The following PALM variants were observed in gnomAD, a reference collection of about 807,000 sequenced individuals.
The protein encoded by PALM is paralemmin.
Under a neutral mutation model 30.7 loss-of-function variants are expected in PALM, and 18 were observed. The observed-to-expected ratio is 0.59, with a 90% confidence interval of 0.41 to 0.87. PALM has a LOEUF of 0.87. Among genes scored for constraint, PALM ranks in the 40% least tolerant of loss-of-function variants. PALM has a pLI of 0.00. For missense variants in PALM, 529 were observed against 555.4 expected (o/e 0.95, Z 0.48); for synonymous variants, 286 against 242.8 (o/e 1.18, Z -1.66).
intron 4 of PALM, among the ~76,000 whole-genome samples, chr19:728,535 C>T (rs1001609460): frequency 2.0e-5 from 3 of 152,154 alleles, no homozygotes; most frequent in South Asian, 2.1e-4. Flanking sequence ...AGGCCGGGTG[C>T]GGTGGTTCAC....
At chr19:719,454 C>CT in intron 1 of PALM, 1 of 985,232 alleles carries the variant, frequency 1.0e-6, no homozygotes, top group Non-Finnish European at 1.2e-6. Context: ...GACGGGAGGC[C>CT]TGTGCGCGCC....
intron 1 of PALM, among the ~76,000 whole-genome samples, chr19:718,039 G>A (rs1365846827): frequency 6.6e-6 from 1 of 152,098 alleles, no homozygotes; most frequent in Admixed American, 6.6e-5. Context: ...AAAATTAGCC[G>A]GGCGTGGTGG....
chr19:709,817 T>C lies in PALM; in HGVS notation c.5+666T>C, dbSNP rs1362810704. Among the ~76,000 whole-genome samples the C allele has an allele frequency of 4.6e-5, 7 of 152,144 alleles. No homozygotes were observed. Among genetic ancestry groups the C allele is most frequent in the Admixed American group, 2.0e-4 (3 of 15,302 alleles). ...TGGGTGGGATACCCTCTCGGGGAAGTGTCTCGGAGCTGGGGCTCCACTGGT... is the reference window on the plus strand; with the variant it reads ...TGGGTGGGATACCCTCTCGGGGAAGCGTCTCGGAGCTGGGGCTCCACTGGT... On this transcript the variant is annotated intron_variant, in intron 1 of 8. Transcript: ENST00000338448. The surrounding 1 kb of genome is among the most constrained non-coding windows in gnomAD (Gnocchi z 4.3).
At chr19:726,957 G>GGGGGGGGGGGT in intron 2 of PALM, 51 bp from the exon 3 acceptor site, 3 of 1,109,136 alleles carry the variant, frequency 2.7e-6, no homozygotes, top group East Asian at 2.7e-5. Flanking sequence ...GGGTGGGGGG[G>GGGGGGGGGGGT]TCTCCGGGAC....
At chr19:738,710 G>A (rs1397766663) in intron 7 of PALM, among the ~76,000 whole-genome samples, 1 of 152,168 alleles carries the variant, frequency 6.6e-6, no homozygotes, top group East Asian at 1.9e-4. Flanking sequence ...AGAGCCGAGT[G>A]CCTGGGCGAG....
intron 1 of PALM, among the ~76,000 whole-genome samples, chr19:724,954 C>T (rs1453117483): frequency 2.0e-5 from 3 of 151,912 alleles, no homozygotes; most frequent in Non-Finnish European, 4.4e-5. Context: ...GGGTCTCACT[C>T]TGTTGCCCAC....
At chr19:711,530 C>G (rs1328196404) in intron 1 of PALM, among the ~76,000 whole-genome samples, 1 of 152,210 alleles carries the variant, frequency 6.6e-6, no homozygotes, top group Non-Finnish European at 1.5e-5. Context: ...TTCACACTTG[C>G]TAATCCCCCT....
chr19:717,664 G>A (rs2238553), intron 1 of PALM, among the ~76,000 whole-genome samples: 13,151 of 151,976 alleles, frequency 0.087, 742 homozygotes, highest in East Asian at 0.24. Flanking sequence ...ATAAGTGTAA[G>A]TCGTGACAGT....
At chr19:721,844 C>T (rs945395166) in intron 1 of PALM, among the ~76,000 whole-genome samples, 2 of 151,354 alleles carry the variant, frequency 1.3e-5, no homozygotes, top group South Asian at 2.2e-4. Context: ...GTGATCCACC[C>T]GCCTTGGCCT....
chr19:736,153 T>TGGGGGGGGGGGGGGGGGG, intron 7 of PALM, 75 bp downstream of exon 7: 3 of 659,314 alleles, frequency 4.6e-6, no homozygotes, highest in Non-Finnish European at 7.6e-6. Flanking sequence ...GGGGGCCGGG[T>TGGGGGGGGGGGGGGGGGG]GGGGCGGGGG....
rs1462604460 is a variant in PALM at position 709,543 on chromosome 19, G to T, written c.5+392G>T. Reference sequence around the variant, plus strand: ...GAGCGACCCCTCCCCAGATTGCACCGGTCCGGCCTCGCGCTCACGCACCCT... The same window carrying T: ...GAGCGACCCCTCCCCAGATTGCACCTGTCCGGCCTCGCGCTCACGCACCCT... On this transcript the variant is annotated intron_variant, in intron 1 of 8. Coordinates refer to ENST00000338448, the MANE Select transcript of PALM (RefSeq NM_002579.3). The surrounding 1 kb of genome is among the most constrained non-coding windows in gnomAD (Gnocchi z 4.3). Among the ~76,000 whole-genome samples the T allele has an allele frequency of 6.6e-6, 1 of 151,950 alleles. No homozygotes were observed. The highest frequency in any genetic ancestry group is 2.4e-5 in the African/African-American group (1 of 41,398).
At chr19:738,890 G>A (rs548104282) in intron 7 of PALM, among the ~76,000 whole-genome samples, 11 of 152,186 alleles carry the variant, frequency 7.2e-5, no homozygotes, top group Non-Finnish European at 1.2e-4. Context: ...CAGCTATCTG[G>A]GGGGTGTGCC....
intron 6 of PALM, among the ~76,000 whole-genome samples, chr19:735,501 G>A (rs2032998901): frequency 1.5e-5 from 1 of 65,326 alleles, no homozygotes; most frequent in African/African-American, 6.9e-5. Context: ...CCGGGTGTCT[G>A]GGTGGGATCT....
At chr19:744,794 T>G (rs2033289665) in intron 8 of PALM, among the ~76,000 whole-genome samples, 2 of 149,982 alleles carry the variant, frequency 1.3e-5, no homozygotes, top group South Asian at 2.1e-4. Flanking sequence ...CTCTGGAGGC[T>G]GAGGCAGGAG....
At chr19:719,904 G>A (rs1034591002) in intron 1 of PALM, among the ~76,000 whole-genome samples, 10 of 152,276 alleles carry the variant, frequency 6.6e-5, no homozygotes, top group African/African-American at 1.7e-4. Flanking sequence ...TGGCCGTTTT[G>A]ATCCGTGCGT....
rs762844424 is a variant in PALM at position 727,040 on chromosome 19, C to G, written c.90C>G (p.Asn30Lys). Reference protein sequence around the residue: ...EKRKRQAEIENKRRQLEDERR... With the variant: ...EKRKRQAEIEKKRRQLEDERR... ...GGAAGCGGCAGGCGGAGATCGAGAACAAGCGCCGGCAGCTGGAGGACGAGC... is the reference window on the plus strand; with the variant it reads ...GGAAGCGGCAGGCGGAGATCGAGAAGAAGCGCCGGCAGCTGGAGGACGAGC... Residue 30 changes from asparagine (N) to lysine (K), a missense_variant, in exon 3 of 9, where the codon AAC becomes AAG. Transcript: ENST00000338448. 32 of 1,346,426 alleles carry G rather than the reference C, an allele frequency of 2.4e-5. No individual in the cohort carries two copies. In the East Asian group the frequency reaches 1.2e-3, roughly 52 times the overall value. 83.4% of individuals were successfully genotyped at this position (1,346,426 alleles called of 1,614,324 possible).
chr19:740,592 G>A (rs564834316), intron 8 of PALM, 109 bp downstream of exon 8: 7 of 1,062,124 alleles, frequency 6.6e-6, no homozygotes, highest in East Asian at 2.7e-5. Context: ...ACCCCGATTC[G>A]ATGTGAAGCA....
chr19:727,495 C>T (rs2032724057), intron 3 of PALM, 69 bp from the exon 4 acceptor site: 11 of 1,306,458 alleles, frequency 8.4e-6, no homozygotes, highest in Non-Finnish European at 1.2e-5. Flanking sequence ...CTGACCCTGA[C>T]CTCAGTCTTA....
chr19:732,419 G>T (rs1001007696), intron 5 of PALM, among the ~76,000 whole-genome samples: 10 of 152,206 alleles, frequency 6.6e-5, no homozygotes, highest in African/African-American at 2.4e-4. Context: ...CCTTGGCCGG[G>T]CTTAGTGGCT....
Sources: gnomAD v4.1 joint callset for allele counts (sites outside exome capture counted in the v4.1 genomes callset) on GRCh38, gnomAD v4.1.1 for gene constraint, Gnocchi (gnomAD v3.1) non-coding constraint, MANE v1.5 for transcripts, NCBI Gene and HGNC (gene_info 2026-07-23, HGNC 2026-07-21) for gene names.